SWT1: variants seen among roughly 807,000 people sequenced by gnomAD.
SWT1 encodes the protein SWT1 RNA endoribonuclease homolog, also known as transcriptional protein SWT1.
In SWT1, 33 loss-of-function variants were observed where a neutral mutation model predicts 107.3. That is an observed-to-expected ratio of 0.31 (90% CI 0.23 to 0.41). The LOEUF (loss-of-function observed/expected upper bound fraction) is 0.41. Among genes scored for constraint, SWT1 ranks in the 10% least tolerant of loss-of-function variants. The pLI is 1.00. For missense variants in SWT1, 898 were observed against 1,028.9 expected (o/e 0.87, Z 1.74); for synonymous variants, 345 against 348.3 (o/e 0.99, Z 0.11).
At chr1:185,179,230 C>G (rs1232946753) in intron 5 of SWT1, among the ~76,000 whole-genome samples, 1 of 152,116 alleles carries the variant, frequency 6.6e-6, no homozygotes, top group Admixed American at 6.5e-5. Flanking sequence ...GATCATGCCA[C>G]TACACTCCAC....
At chr1:185,274,295 CAG>C (rs1319504851) in intron 17 of SWT1, among the ~76,000 whole-genome samples, 2 of 147,136 alleles carry the variant, frequency 1.4e-5, no homozygotes, top group African/African-American at 2.5e-5. Flanking sequence ...ATATAGATGT[CAG>C]ATATATATAT....
At chr1:185,257,646 T>A (rs569229119) in intron 16 of SWT1, among the ~76,000 whole-genome samples, 3 of 152,200 alleles carry the variant, frequency 2.0e-5, no homozygotes, top group African/African-American at 7.2e-5. Flanking sequence ...GGCTCGCACA[T>A]GGTGCGCGCA....
intron 16 of SWT1, chr1:185,263,313 C>A (rs892582369): frequency 6.6e-6 from 1 of 152,042 alleles, no homozygotes; most frequent in African/African-American, 2.4e-5. Context: ...TTTGAGGAAA[C>A]TCAGAGTGTT....
intron 16 of SWT1, among the ~76,000 whole-genome samples, chr1:185,248,375 C>T (rs531042506): frequency 3.9e-4 from 60 of 152,184 alleles, no homozygotes; most frequent in Admixed American, 2.1e-3. Flanking sequence ...TTGCAGGATA[C>T]GATTTTATGA....
In SWT1 at chr1:185,180,492, TAA is replaced by T. The variant is rs774126512; in HGVS notation, c.1026+43_1026+44del. 4.3e-6 allele frequency: 6 copies of T among 1,401,422 alleles called. No individual in the cohort carries two copies. In the South Asian group the frequency reaches 4.6e-5, roughly 11 times the overall value. The allele number at this position is 1,401,422 out of a possible 1,614,324, so 86.8% of individuals were successfully genotyped here. On this transcript the variant is annotated intron_variant, in intron 6 of 18. Coordinates refer to ENST00000367500, the MANE Select transcript of SWT1 (RefSeq NM_017673.7). ...TTTACTTTGATATTTTTAATGAAAT[TAA>T]GTCAGTTCCTACTTTTAATAAAAAA...
intron 2 of SWT1, among the ~76,000 whole-genome samples, chr1:185,165,872 A>C (rs1308486753): frequency 6.6e-6 from 1 of 152,074 alleles, no homozygotes; most frequent in Non-Finnish European, 1.5e-5. Flanking sequence ...TCAGTATTCT[A>C]ATGGTTTGTT....
chr1:185,270,119 G>T (rs1663746503), intron 16 of SWT1, among the ~76,000 whole-genome samples: 1 of 152,096 alleles, frequency 6.6e-6, no homozygotes, highest in Admixed American at 6.5e-5. Flanking sequence ...TCTTGCAGTA[G>T]CCCTACGAAG....
chr1:185,212,511 T>G (rs1658899076), intron 13 of SWT1, among the ~76,000 whole-genome samples: 1 of 152,186 alleles, frequency 6.6e-6, no homozygotes, highest in South Asian at 2.1e-4. Flanking sequence ...TTTATTGGTC[T>G]TTGATCTCGA....
intron 1 of SWT1, among the ~76,000 whole-genome samples, chr1:185,158,870 G>T (rs1204639220): frequency 1.3e-5 from 2 of 152,184 alleles, no homozygotes; most frequent in East Asian, 3.8e-4. Context: ...GGGTTGATCT[G>T]GCTTTGGGTC....
At chr1:185,281,026 T>G in intron 18 of SWT1, 2 of 310,026 alleles carry the variant, frequency 6.5e-6, no homozygotes, top group Non-Finnish European at 1.3e-5. Context: ...TGATGATGAC[T>G]AAGTCCTTTT....
chr1:185,163,521 G>A (rs1324742325), intron 2 of SWT1, among the ~76,000 whole-genome samples: 3 of 151,316 alleles, frequency 2.0e-5, no homozygotes, highest in Non-Finnish European at 4.4e-5. Context: ...AGCCTCCCAA[G>A]TAGATGGGAC....
intron 15 of SWT1, among the ~76,000 whole-genome samples, chr1:185,230,174 A>C (rs1660406844): frequency 6.6e-6 from 1 of 152,256 alleles, no homozygotes; most frequent in African/African-American, 2.4e-5. Flanking sequence ...GCTGCTGCCT[A>C]AAGTCTACCG....
At chr1:185,188,637 A>T (rs992958427) in intron 9 of SWT1, among the ~76,000 whole-genome samples, 3 of 152,224 alleles carry the variant, frequency 2.0e-5, no homozygotes, top group African/African-American at 7.2e-5. Context: ...TAAACCGTAT[A>T]TAAGTATTTA....
intron 15 of SWT1, chr1:185,226,931 C>T (rs1043108673): frequency 1.1e-4 from 118 of 1,094,250 alleles, no homozygotes; most frequent in Non-Finnish European, 1.5e-4. Flanking sequence ...CTTTCTGCGG[C>T]GTCTTTTCAT....
chr1:185,171,558 C>T, intron 4 of SWT1: 1 of 429,646 alleles, frequency 2.3e-6, no homozygotes, highest in South Asian at 1.8e-5. Context: ...CCTAGCTTTT[C>T]TGCTCACTTT....
chr1:185,189,877 C>G (rs1656802807), intron 9 of SWT1, among the ~76,000 whole-genome samples: 1 of 147,796 alleles, frequency 6.8e-6, no homozygotes, highest in Non-Finnish European at 1.5e-5. Flanking sequence ...GAGATGGAGT[C>G]TCACTCTGTT....
chr1:185,160,632 G>C (rs570714636), intron 1 of SWT1, among the ~76,000 whole-genome samples: 1 of 152,012 alleles, frequency 6.6e-6, no homozygotes, highest in Non-Finnish European at 1.5e-5. Flanking sequence ...AACCCGGTAG[G>C]CAGAGGTTGC....
chr1:185,270,845 AT>A (rs1399702050), intron 16 of SWT1, among the ~76,000 whole-genome samples: 1 of 152,234 alleles, frequency 6.6e-6, no homozygotes, highest in African/African-American at 2.4e-5. Flanking sequence ...AAGCAATGTT[AT>A]TTGAATTTAG....
intron 6 of SWT1, among the ~76,000 whole-genome samples, 169 bp from the exon 7 acceptor site, chr1:185,181,777 C>T (rs1291522522): frequency 6.6e-6 from 1 of 152,150 alleles, no homozygotes; most frequent in East Asian, 1.9e-4. Context: ...TTGAAAACCA[C>T]GTGTGTGTTT....
Sources: gnomAD v4.1 joint callset for allele counts (sites outside exome capture counted in the v4.1 genomes callset) on GRCh38, gnomAD v4.1.1 for gene constraint, MANE v1.5 for transcripts, NCBI Gene and HGNC (gene_info 2026-07-23, HGNC 2026-07-21) for gene names.